The following COPS2 variants were observed in gnomAD, a reference collection of about 807,000 sequenced individuals.
The protein encoded by COPS2 is COP9 signalosome subunit 2.
A neutral mutation model predicts 66.1 loss-of-function variants in COPS2; 10 were observed. The observed-to-expected ratio is 0.15, with a 90% CI of 0.09 to 0.26. COPS2 has a LOEUF of 0.26. Among genes scored for constraint, COPS2 ranks in the 10% least tolerant of loss-of-function variants. The pLI, the probability that COPS2 is intolerant of heterozygous loss-of-function variation, is 1.00. For missense variants in COPS2, 215 were observed against 513.3 expected, an observed-to-expected ratio of 0.42 and a Z score of 5.62; for synonymous variants, 179 against 171.3, an observed-to-expected ratio of 1.04 and a Z score of -0.35.
At chr15:49,130,974 C>A (rs565393990) in intron 9 of COPS2, among the ~76,000 whole-genome samples, 158 bp from the exon 10 acceptor site, 1 of 150,678 alleles carries the variant, frequency 6.6e-6, no homozygotes, top group South Asian at 2.1e-4. Context: ...CACACATAAC[C>A]TTCTGCCAAA....
intron 1 of COPS2, among the ~76,000 whole-genome samples, chr15:49,150,145 G>A (rs994440318): frequency 2.0e-5 from 3 of 151,324 alleles, no homozygotes; most frequent in Non-Finnish European, 2.9e-5. Context: ...AAAATTAGCC[G>A]GGCATGGTGG....
chr15:49,132,316 T>C (rs963678670), intron 9 of COPS2, among the ~76,000 whole-genome samples: 4 of 151,440 alleles, frequency 2.6e-5, no homozygotes, highest in Admixed American at 1.3e-4. Context: ...TTAAGGTTTT[T>C]AATTCCAAAC....
intron 1 of COPS2, among the ~76,000 whole-genome samples, chr15:49,154,808 T>C (rs1202880407): frequency 6.6e-6 from 1 of 152,212 alleles, no homozygotes; most frequent in Non-Finnish European, 1.5e-5. Flanking sequence ...AAACTTTGTA[T>C]ACTGGGAAAT....
At chr15:49,128,641 C>A in intron 12 of COPS2, 61 bp downstream of exon 12, 2 of 1,168,052 alleles carry the variant, frequency 1.7e-6, no homozygotes, top group South Asian at 2.7e-5. Flanking sequence ...TTACCTTTGT[C>A]ACTATTATTC....
chr15:49,126,525 AC>A lies in COPS2; in HGVS notation c.*1424del, dbSNP rs1374354068. On this transcript the variant is annotated 3_prime_UTR_variant, in exon 13 of 13. Transcript: ENST00000388901. ...GCCACCCAGTTTTTACATAATAATA[AC>A]AAGCAATAGAAAAACCAAAGAAATT... The A allele has an allele frequency of 6.6e-6, 1 of 152,516 alleles. No individual in the cohort carries two copies. The highest frequency in any genetic ancestry group is 2.4e-5 in the African/African-American group (1 of 41,444). The allele number at this position is 152,516 out of a possible 1,614,324, so 9.4% of individuals were successfully genotyped here.
At position 49,137,609 on chromosome 15, in the gene COPS2, C is replaced by A. The variant is rs998150141; in HGVS notation, c.373-172G>T. 2.3e-5 allele frequency: 13 copies of A among 567,428 alleles called. No homozygotes were observed. The African/African-American group carries it at 2.5e-4, about 11-fold the overall frequency. The allele number at this position is 567,428 out of a possible 1,614,324, so 35.1% of individuals were successfully genotyped here. A position where few individuals can be genotyped will look rare whatever the true frequency, so the allele number is the denominator to read the frequency against. ...AAAATTAACAAACTGAAGCAAAATACAGACCAAATTTACAAGTACCATGAT... is the reference window on the plus strand; with the variant it reads ...AAAATTAACAAACTGAAGCAAAATAAAGACCAAATTTACAAGTACCATGAT... On this transcript the variant is annotated intron_variant, in intron 4 of 12. Transcript: ENST00000388901.
At chr15:49,137,305 C>T in intron 5 of COPS2, 43 bp downstream of exon 5, 1 of 1,534,508 alleles carries the variant, frequency 6.5e-7, no homozygotes, top group Non-Finnish European at 9.0e-7. Flanking sequence ...TAAAAACACC[C>T]ACCCACTTTT....
intron 4 of COPS2, 29 bp downstream of exon 4, chr15:49,139,499 C>G: frequency 6.4e-7 from 1 of 1,550,600 alleles, no homozygotes; most frequent in Non-Finnish European, 8.9e-7. Context: ...ACACACTGAT[C>G]GTCCCAAGAG....
chr15:49,154,978 A>C (rs142793157), intron 1 of COPS2, among the ~76,000 whole-genome samples: 1 of 152,228 alleles, frequency 6.6e-6, no homozygotes, highest in Non-Finnish European at 1.5e-5. Flanking sequence ...CTACACACTT[A>C]CCTCGGACCA....
intron 10 of COPS2, among the ~76,000 whole-genome samples, chr15:49,130,125 T>C (rs963361043): frequency 5.9e-5 from 9 of 152,146 alleles, no homozygotes; most frequent in African/African-American, 1.7e-4. Flanking sequence ...GAACAGAACA[T>C]TACTTCTGAT....
Position 49,134,359 on chromosome 15 carries a change from C to A in COPS2, c.696G>T (p.Leu232=). 6.2e-7 allele frequency: 1 copy of A among 1,613,508 alleles called. No individual in the cohort carries two copies. Among genetic ancestry groups the A allele is most frequent in the South Asian group, 1.1e-5 (1 of 90,958 alleles). The change falls in exon 7 of 13, where the codon CTG becomes CTT. Residue 232 remains leucine, a synonymous_variant. Coordinates refer to ENST00000388901, the MANE Select transcript of COPS2 (RefSeq NM_004236.4). The part of the protein sequence containing the change: ...LHIKSAIPHP[L]IMGVIRECGG... ...ACTTGCCTCTGATAACTCCCATAATCAGTGGATGAGGGATGGCAGACTTGA... is the reference window on the plus strand; with the variant it reads ...ACTTGCCTCTGATAACTCCCATAATAAGTGGATGAGGGATGGCAGACTTGA...
chr15:49,145,613 G>A (rs1344916964), intron 1 of COPS2, among the ~76,000 whole-genome samples: 1 of 152,038 alleles, frequency 6.6e-6, no homozygotes, highest in Non-Finnish European at 1.5e-5. Flanking sequence ...TTCCTTATGT[G>A]CACTATACAA....
At chr15:49,147,328 T>C (rs1025913719) in intron 1 of COPS2, among the ~76,000 whole-genome samples, 3 of 152,198 alleles carry the variant, frequency 2.0e-5, no homozygotes, top group Non-Finnish European at 4.4e-5. Flanking sequence ...ATGAAAAGTA[T>C]TTCTGATTTA....
intron 4 of COPS2, among the ~76,000 whole-genome samples, chr15:49,138,232 T>C (rs149822537): frequency 6.6e-6 from 1 of 152,170 alleles, no homozygotes; most frequent in Non-Finnish European, 1.5e-5. Context: ...TCCCCCCGCT[T>C]CTGGCTTTGC....
chr15:49,144,588 C>T (rs1217052155), intron 2 of COPS2, among the ~76,000 whole-genome samples: 1 of 152,066 alleles, frequency 6.6e-6, no homozygotes, highest in Non-Finnish European at 1.5e-5. Context: ...AATAACCAAC[C>T]TATGGTAAAA....
At position 49,127,812 on chromosome 15, in the gene COPS2, A is replaced by G; in HGVS notation, c.*138T>C. The G allele has an allele frequency of 1.1e-6, 1 of 892,724 alleles. No homozygotes were observed. Among genetic ancestry groups the G allele is most frequent in the South Asian group, 2.2e-5 (1 of 46,498 alleles). The allele number at this position is 892,724 out of a possible 1,614,324, so 55.3% of individuals were successfully genotyped here. On this transcript the variant is annotated 3_prime_UTR_variant, in exon 13 of 13. Coordinates refer to ENST00000388901, the MANE Select transcript of COPS2 (RefSeq NM_004236.4). ...GCAGCAGCAAAACACAAACCAGTTG[A>G]TCAAAAAAGCACTTCTGCCATAACT...
At position 49,134,497 on chromosome 15, in the gene COPS2, A is replaced by G. The variant is rs1396957067; in HGVS notation, c.558T>C (p.Asp186=). 1 of 1,610,482 alleles carries G rather than the reference A, an allele frequency of 6.2e-7. No individual in the cohort carries two copies. Among genetic ancestry groups the G allele is most frequent in the Admixed American group, 1.7e-5 (1 of 59,912 alleles). The change falls in exon 7 of 13, where the codon GAT becomes GAC. Residue 186 remains aspartate, a synonymous_variant. Transcript: ENST00000388901. ...HQSCQTDDGE[D]DLKKGTQLLE... The stretch of plus-strand genomic sequence containing the variant: ...ATAACTGTGTACCTTTTTTCAGATC[A>G]TCTTCTCCATCATCAGTCTAGGAAA...
intron 3 of COPS2, 40 bp from the exon 4 acceptor site, chr15:49,139,693 G>C: frequency 1.3e-6 from 2 of 1,496,596 alleles, no homozygotes; most frequent in Non-Finnish European, 1.8e-6. Flanking sequence ...TGCAAATTTA[G>C]GTACTAAAAT....
At position 49,124,041 on chromosome 15, in the gene COPS2, T is replaced by C. The variant is rs1240849480; in HGVS notation, c.*3909A>G. ...ATCTCGAGTTAAAGAGAACCTCCAA[T>C]TTGTCTTCGTTACGAAATTTCTGCC... On this transcript the variant is annotated 3_prime_UTR_variant, in exon 13 of 13. Transcript: ENST00000388901. 1 of 152,214 alleles carries C rather than the reference T, an allele frequency of 6.6e-6. No homozygotes were observed. The highest frequency in any genetic ancestry group is 1.5e-5 in the Non-Finnish European group (1 of 68,038). The allele number at this position is 152,214 out of a possible 1,614,324, so 9.4% of individuals were successfully genotyped here. A position where few individuals can be genotyped will look rare whatever the true frequency, so the allele number is the denominator to read the frequency against.
Sources: allele counts gnomAD v4.1 joint callset (sites outside exome capture counted in the v4.1 genomes callset), GRCh38; gene constraint gnomAD v4.1.1; transcripts MANE v1.5; gene names NCBI Gene and HGNC (gene_info 2026-07-23, HGNC 2026-07-21).